ATRNL1: variants seen among roughly 807,000 people sequenced by gnomAD.
ATRNL1 encodes attractin-like protein 1.
A neutral mutation model predicts 182.7 loss-of-function variants in ATRNL1; 95 were observed. That is an observed-to-expected ratio of 0.52 (90% CI 0.44 to 0.62). The LOEUF is 0.62. ATRNL1 is among the 20% of genes least tolerant of loss of function. The probability of loss-of-function intolerance (pLI) is 0.00; values close to 1 mark genes in which losing one functional copy is unlikely to be tolerated. For missense variants in ATRNL1, 1,471 were observed against 1,679.5 expected, an observed-to-expected ratio of 0.88 and a Z score of 2.17; for synonymous variants, 576 against 568.3, an observed-to-expected ratio of 1.01 and a Z score of -0.19.
At chr10:115,744,512 G>A (rs1555068633) in intron 27 of ATRNL1, among the ~76,000 whole-genome samples, 1 of 151,926 alleles carries the variant, frequency 6.6e-6, no homozygotes, top group Non-Finnish European at 1.5e-5. Context: ...ACAATAACAT[G>A]CAAATGATGA....
At chr10:115,806,744 T>G (rs1949927835) in intron 27 of ATRNL1, among the ~76,000 whole-genome samples, 2 of 152,172 alleles carry the variant, frequency 1.3e-5, no homozygotes, top group South Asian at 4.1e-4. Context: ...GCTCTGCCAT[T>G]ACTAGCATGA....
intron 1 of ATRNL1, among the ~76,000 whole-genome samples, chr10:115,104,827 A>T (rs1408936610): frequency 2.0e-5 from 3 of 152,054 alleles, no homozygotes; most frequent in African/African-American, 7.2e-5. Context: ...TATGTGCTTG[A>T]CACCTTTGTC....
intron 27 of ATRNL1, among the ~76,000 whole-genome samples, chr10:115,747,839 G>T (rs769542789): frequency 6.6e-6 from 1 of 151,982 alleles, no homozygotes; most frequent in Non-Finnish European, 1.5e-5. Context: ...TCTGGTGAGG[G>T]CCCAACTTTC....
chr10:115,718,766 G>A lies in ATRNL1; in HGVS notation c.3796-8482G>A, dbSNP rs114575127. Among the ~76,000 whole-genome samples, 643 of 152,264 alleles carry A rather than the reference G, an allele frequency of 4.2e-3. 2 individuals carry two copies. The highest frequency in any genetic ancestry group is 0.015 in the African/African-American group (605 of 41,552). ...TATTTTTGCATATATGGAGGTGTTCGTCCACTAACGAATAGCTTTGTTGCT... is the reference window on the plus strand; with the variant it reads ...TATTTTTGCATATATGGAGGTGTTCATCCACTAACGAATAGCTTTGTTGCT... On this transcript the variant is annotated intron_variant, in intron 26 of 28. Transcript: ENST00000355044.
At chr10:115,135,846 C>A (rs1358822116) in intron 5 of ATRNL1, among the ~76,000 whole-genome samples, 1 of 151,148 alleles carries the variant, frequency 6.6e-6, no homozygotes, top group African/African-American at 2.5e-5. Flanking sequence ...TCTTGTGTGT[C>A]ATTTTTTTTT....
chr10:115,341,059 T>C (rs1183185306), intron 19 of ATRNL1, among the ~76,000 whole-genome samples: 2 of 152,032 alleles, frequency 1.3e-5, no homozygotes, highest in African/African-American at 4.8e-5. Context: ...TATTTTCTTC[T>C]ATTAATTTTG....
intron 19 of ATRNL1, among the ~76,000 whole-genome samples, chr10:115,383,144 T>G (rs1554951685): frequency 6.6e-6 from 1 of 151,846 alleles, no homozygotes; most frequent in African/African-American, 2.4e-5. Flanking sequence ...CTACTGGTCT[T>G]TTTCCTTTTA....
intron 27 of ATRNL1, among the ~76,000 whole-genome samples, chr10:115,782,879 G>A (rs17093583): frequency 0.046 from 6,951 of 152,136 alleles, 540 homozygotes; most frequent in African/African-American, 0.16. Flanking sequence ...TTTTTTAAAC[G>A]GACAGGACAG....
chr10:115,751,728 G>A (rs1237604303), intron 27 of ATRNL1, among the ~76,000 whole-genome samples: 3 of 152,042 alleles, frequency 2.0e-5, no homozygotes, highest in African/African-American at 7.2e-5. Flanking sequence ...CTTATGCTGT[G>A]GAATGATCTC....
chr10:115,403,254 C>T (rs1554957403), intron 20 of ATRNL1, among the ~76,000 whole-genome samples: 1 of 97,360 alleles, frequency 1.0e-5, no homozygotes, highest in Non-Finnish European at 1.9e-5. Context: ...TAATTACTCT[C>T]ATCTTTTTTT....
At chr10:115,355,127 G>T (rs1856445860) in intron 19 of ATRNL1, among the ~76,000 whole-genome samples, 1 of 152,078 alleles carries the variant, frequency 6.6e-6, no homozygotes, top group African/African-American at 2.4e-5. Context: ...TGCCACTCTA[G>T]AATTGGTCAT....
At chr10:115,615,554 A>G (rs1367689871) in intron 26 of ATRNL1, among the ~76,000 whole-genome samples, 2 of 152,128 alleles carry the variant, frequency 1.3e-5, no homozygotes, top group African/African-American at 4.8e-5. Context: ...CTGTGTCCCC[A>G]TCCAAATCTA....
Position 115,549,519 on chromosome 10 carries a change from G to A in ATRNL1, c.3778G>A (p.Ala1260Thr). ...ATGGAAGATCAAACAAACTTGTTGG[G>A]CTTCTCGACGGAGAGAGGTATCAGT... ...VVWKIKQTCWASRRREQLLRE... is the reference protein window; with the variant it reads ...VVWKIKQTCWTSRRREQLLRE... Residue 1260 changes from alanine to threonine, a missense_variant, in exon 26 of 29, where the codon GCT (alanine) becomes ACT (threonine). Physicochemically the swap from Ala to Thr is moderately conservative, Grantham distance 58 (BLOSUM62 0). This residue lies in a region of ATRNL1 where 437 missense variants were observed against 506.0 expected (regional missense o/e 0.86). Transcript: ENST00000355044. 6.3e-7 allele frequency: 1 copy of A among 1,594,686 alleles called. No homozygotes were observed. The highest frequency in any genetic ancestry group is 8.6e-7 in the Non-Finnish European group (1 of 1,169,370).
At chr10:115,860,156 C>A (rs1311490550) in intron 28 of ATRNL1, among the ~76,000 whole-genome samples, 2 of 152,150 alleles carry the variant, frequency 1.3e-5, no homozygotes, top group Non-Finnish European at 2.9e-5. Flanking sequence ...TTTGAGGAAT[C>A]CTACATGGTC....
intron 28 of ATRNL1, among the ~76,000 whole-genome samples, chr10:115,914,666 C>T (rs1030744519): frequency 2.0e-5 from 3 of 152,174 alleles, no homozygotes; most frequent in Admixed American, 6.5e-5. Context: ...CTGAAGGCTA[C>T]ATCATAGTCA....
At chr10:115,698,356 T>C (rs1946627169) in intron 26 of ATRNL1, among the ~76,000 whole-genome samples, 1 of 152,108 alleles carries the variant, frequency 6.6e-6, no homozygotes, top group South Asian at 2.1e-4. Context: ...TGAACCAGAA[T>C]ACATGGAGAA....
chr10:115,241,900 G>A (rs995061486), intron 10 of ATRNL1, among the ~76,000 whole-genome samples, 175 bp downstream of exon 10: 78 of 152,054 alleles, frequency 5.1e-4, no homozygotes, highest in Non-Finnish European at 1.6e-4. Context: ...AGAGCCAGGA[G>A]AACAGAAGTA....
chr10:115,324,123 C>CT (rs1202729825), intron 18 of ATRNL1, among the ~76,000 whole-genome samples: 36 of 152,182 alleles, frequency 2.4e-4, no homozygotes, highest in African/African-American at 8.4e-4. Context: ...AACTCTCTCT[C>CT]TTTTTTTAAT....
At chr10:115,533,345 C>T (rs574586629) in intron 25 of ATRNL1, among the ~76,000 whole-genome samples, 17 of 152,134 alleles carry the variant, frequency 1.1e-4, no homozygotes, top group Admixed American at 3.9e-4. Flanking sequence ...GTGTATGTAT[C>T]GAGGAATTTA....
Sources: allele counts gnomAD v4.1 joint callset (sites outside exome capture counted in the v4.1 genomes callset), GRCh38; gene constraint gnomAD v4.1.1; regional missense constraint gnomAD v4.1.1; transcripts MANE v1.5; gene names NCBI Gene and HGNC (gene_info 2026-07-23, HGNC 2026-07-21).